ADAMTS6: variants seen among roughly 807,000 people sequenced by gnomAD.
The protein encoded by ADAMTS6 is ADAM metallopeptidase with thrombospondin type 1 motif 6.
A neutral mutation model predicts 144.3 loss-of-function variants in ADAMTS6; 23 were observed. That is an observed-to-expected ratio of 0.16 (90% CI 0.11 to 0.23). The LOEUF is 0.23. Ranked by LOEUF, ADAMTS6 falls within the 10% of genes least tolerant of loss-of-function variation. The pLI is 1.00. For synonymous variants in ADAMTS6, 444 were observed against 457.5 expected (o/e 0.97, Z 0.38); for missense variants, 999 against 1,379.6 (o/e 0.72, Z 4.37).
chr5:65,182,501 T>C (rs1242466970), intron 22 of ADAMTS6, among the ~76,000 whole-genome samples: 2 of 151,504 alleles, frequency 1.3e-5, no homozygotes, highest in East Asian at 3.9e-4. Flanking sequence ...ATATTTATTG[T>C]GTCAAGTAGT....
chr5:65,315,649 G>A (rs1744913691), intron 9 of ADAMTS6, among the ~76,000 whole-genome samples: 1 of 146,886 alleles, frequency 6.8e-6, no homozygotes, highest in African/African-American at 2.7e-5. Context: ...AGTAAGGGAT[G>A]GAAAAAGATA....
chr5:65,161,296 C>A (rs1004053816), intron 24 of ADAMTS6, among the ~76,000 whole-genome samples: 7 of 152,068 alleles, frequency 4.6e-5, no homozygotes, highest in African/African-American at 1.7e-4. Context: ...CCTTGGCCTC[C>A]CAAAATGTTG....
chr5:65,444,155 GC>G (rs1758086693), intron 7 of ADAMTS6, among the ~76,000 whole-genome samples: 1 of 152,178 alleles, frequency 6.6e-6, no homozygotes, highest in Non-Finnish European at 1.5e-5. Flanking sequence ...ACTTTGGGAG[GC>G]CGAGGCAGGC....
In ADAMTS6 at chr5:65,374,556, T is replaced by C. The variant is rs549081205; in HGVS notation, c.1074-40471A>G. ...ACCTAGGAATCCAACTTACAAGGGA[T>C]GTGAAAGACCTCTTCAAGGAGAACT... On this transcript the variant is annotated intron_variant, in intron 7 of 24. Transcript: ENST00000381055. Among the ~76,000 whole-genome samples, 112 of 151,872 alleles carry C rather than the reference T, an allele frequency of 7.4e-4. 1 individual carries two copies. Among genetic ancestry groups the C allele is most frequent in the Non-Finnish European group, 1.3e-3 (91 of 67,962 alleles).
intron 7 of ADAMTS6, among the ~76,000 whole-genome samples, chr5:65,360,723 T>G (rs148709265): frequency 6.6e-6 from 1 of 152,206 alleles, no homozygotes; most frequent in Non-Finnish European, 1.5e-5. Flanking sequence ...ACGGTGGGAA[T>G]TGACCATTAC....
intron 7 of ADAMTS6, among the ~76,000 whole-genome samples, chr5:65,370,528 A>T (rs1209453115): frequency 6.6e-6 from 1 of 152,194 alleles, no homozygotes; most frequent in Non-Finnish European, 1.5e-5. Flanking sequence ...GGCACCTGGA[A>T]AGTCGGGTCA....
intron 7 of ADAMTS6, among the ~76,000 whole-genome samples, chr5:65,354,424 A>T (rs1018061886): frequency 6.6e-6 from 1 of 151,818 alleles, no homozygotes; most frequent in Non-Finnish European, 1.5e-5. Context: ...GTATATATAC[A>T]TTATCTAGAT....
At chr5:65,470,515 A>G (rs72760598) in intron 3 of ADAMTS6, among the ~76,000 whole-genome samples, 6,933 of 152,210 alleles carry the variant, frequency 0.046, 193 homozygotes, top group Non-Finnish European at 0.068. Flanking sequence ...ACAGAAAAAC[A>G]TAAGTCTAAA....
At chr5:65,351,783 G>A (rs1344309562) in intron 7 of ADAMTS6, among the ~76,000 whole-genome samples, 2 of 151,576 alleles carry the variant, frequency 1.3e-5, no homozygotes, top group Admixed American at 1.3e-4. Flanking sequence ...AGGCAACACA[G>A]AGAGAATTCG....
At chr5:65,231,829 G>T (rs1037122513) in intron 15 of ADAMTS6, among the ~76,000 whole-genome samples, 4 of 152,116 alleles carry the variant, frequency 2.6e-5, no homozygotes, top group African/African-American at 4.8e-5. Flanking sequence ...ATGACCTGTG[G>T]CCAGGTGCAG....
At chr5:65,385,048 T>C (rs988512219) in intron 7 of ADAMTS6, among the ~76,000 whole-genome samples, 1 of 152,144 alleles carries the variant, frequency 6.6e-6, no homozygotes, top group Non-Finnish European at 1.5e-5. Flanking sequence ...ACTAATCCCA[T>C]TCATGAAGGC....
intron 7 of ADAMTS6, among the ~76,000 whole-genome samples, chr5:65,390,422 A>G (rs1752818359): frequency 6.6e-6 from 1 of 152,220 alleles, no homozygotes; most frequent in Non-Finnish European, 1.5e-5. Flanking sequence ...TTAGAGGATT[A>G]ATGAATCTAA....
intron 15 of ADAMTS6, among the ~76,000 whole-genome samples, chr5:65,239,273 A>AC (rs1554053605): frequency 1.3e-5 from 2 of 151,972 alleles, no homozygotes; most frequent in African/African-American, 2.4e-5. Flanking sequence ...TAAAAAAAAA[A>AC]AAAACTGTGT....
chr5:65,283,316 C>T lies in ADAMTS6; in HGVS notation c.1512+8013G>A, dbSNP rs149553548. 2.8e-3 allele frequency among the ~76,000 whole-genome samples: 424 copies of T among 151,930 alleles called. 1 individual carries two copies. Among genetic ancestry groups the T allele is most frequent in the African/African-American group, 9.5e-3 (394 of 41,458 alleles). ...TAAATAGTTTAATCCTGTTATGTTA[C>T]GGGTAATGGGAAATTTAAGTACAAC... On this transcript the variant is annotated intron_variant, in intron 11 of 24. Coordinates refer to ENST00000381055, the MANE Select transcript of ADAMTS6 (RefSeq NM_197941.4).
chr5:65,250,193 T>C (rs552558991), intron 14 of ADAMTS6, among the ~76,000 whole-genome samples: 12 of 152,364 alleles, frequency 7.9e-5, no homozygotes, highest in Admixed American at 3.9e-4. Context: ...AGATGTTTTA[T>C]GTATGTTACT....
intron 23 of ADAMTS6, 97 bp from the exon 24 acceptor site, chr5:65,170,870 C>T (rs1742536938): frequency 3.8e-6 from 4 of 1,059,980 alleles, no homozygotes; most frequent in Admixed American, 3.0e-5. Flanking sequence ...ACAATATGAA[C>T]TTTTTTTTTT....
At position 65,173,016 on chromosome 5, in the gene ADAMTS6, T is replaced by A; in HGVS notation, c.2911-8A>T. On this transcript the variant is annotated splice_polypyrimidine_tract_variant and splice_region_variant and intron_variant, in intron 22 of 24. Coordinates refer to ENST00000381055, the MANE Select transcript of ADAMTS6 (RefSeq NM_197941.4). The stretch of plus-strand genomic sequence containing the variant: ...ACCACATTTTGGAGTACACTGGAAA[T>A]AAAACAAATAGTAATGAATCACGAC... The A allele has an allele frequency of 6.2e-7, 1 of 1,610,162 alleles. No homozygotes were observed. Among genetic ancestry groups the A allele is most frequent in the Non-Finnish European group, 8.5e-7 (1 of 1,178,632 alleles).
intron 7 of ADAMTS6, among the ~76,000 whole-genome samples, chr5:65,407,485 TC>T (rs1268255839): frequency 1.4e-5 from 1 of 73,170 alleles, no homozygotes; most frequent in Non-Finnish European, 2.6e-5. Flanking sequence ...CTATCCCTCC[TC>T]CCTCCCCCCA....
At chr5:65,349,027 C>A (rs1748608514) in intron 7 of ADAMTS6, among the ~76,000 whole-genome samples, 1 of 151,998 alleles carries the variant, frequency 6.6e-6, no homozygotes, top group Non-Finnish European at 1.5e-5. Flanking sequence ...TTTAGTTTTA[C>A]AGAACATGGT....
Sources: gnomAD v4.1 joint callset for allele counts (sites outside exome capture counted in the v4.1 genomes callset) on GRCh38, gnomAD v4.1.1 for gene constraint, MANE v1.5 for transcripts, NCBI Gene and HGNC (gene_info 2026-07-23, HGNC 2026-07-21) for gene names.